The following EXOC6B variants were observed in gnomAD, a reference collection of about 807,000 sequenced individuals.
EXOC6B encodes the protein exocyst complex component 6B, also known as SEC15 homolog B.
Under a neutral mutation model 113.5 loss-of-function variants are expected in EXOC6B, and 54 were observed. The ratio of observed to expected loss-of-function variants is 0.48; its 90% CI spans 0.38 to 0.60. EXOC6B has a LOEUF of 0.60. EXOC6B is among the 20% of genes least tolerant of loss of function. The pLI, the probability that EXOC6B is intolerant of heterozygous loss-of-function variation, is 0.00. For synonymous variants in EXOC6B, 357 were observed against 339.0 expected (o/e 1.05, Z -0.58); for missense variants, 797 against 977.5 (o/e 0.82, Z 2.46).
intron 6 of EXOC6B, among the ~76,000 whole-genome samples, chr2:72,704,643 G>T (rs950374467): frequency 1.3e-5 from 2 of 152,062 alleles, no homozygotes; most frequent in African/African-American, 4.8e-5. Context: ...TGATAAAGGG[G>T]ATATCACCAA....
chr2:72,581,409 G>A (rs11686713), intron 6 of EXOC6B, among the ~76,000 whole-genome samples: 94,762 of 152,132 alleles, frequency 0.62, 35,089 homozygotes, highest in East Asian at 0.99. Flanking sequence ...GTTATTGTCC[G>A]TAGGAATGTG....
chr2:72,811,879 A>G (rs1211375864), intron 1 of EXOC6B, among the ~76,000 whole-genome samples: 1 of 152,188 alleles, frequency 6.6e-6, no homozygotes, highest in Admixed American at 6.5e-5. Flanking sequence ...AGAAAATAGG[A>G]ATAGAGGAAA....
intron 6 of EXOC6B, among the ~76,000 whole-genome samples, chr2:72,585,592 A>G (rs1027338674): frequency 3.3e-5 from 5 of 151,686 alleles, no homozygotes; most frequent in African/African-American, 1.2e-4. Context: ...GTGCAAAAAA[A>G]AAAAAAGAAA....
chr2:72,686,194 C>CT (rs1677077670), intron 6 of EXOC6B, among the ~76,000 whole-genome samples: 1 of 152,124 alleles, frequency 6.6e-6, no homozygotes, highest in African/African-American at 2.4e-5. Context: ...AGTTTTTCTT[C>CT]TTTTAAGTTC....
intron 20 of EXOC6B, among the ~76,000 whole-genome samples, chr2:72,294,402 A>G (rs537272014): frequency 1.3e-5 from 2 of 152,086 alleles, no homozygotes; most frequent in Non-Finnish European, 2.9e-5. Context: ...ATTTTGACCA[A>G]TGAAGCTCTA....
chr2:72,337,475 C>T (rs1025995543), intron 19 of EXOC6B, among the ~76,000 whole-genome samples: 2 of 152,168 alleles, frequency 1.3e-5, no homozygotes, highest in South Asian at 4.1e-4. Flanking sequence ...GAGCTGGCTA[C>T]ACATTCTTGA....
At chr2:72,412,843 C>A (rs1246548910) in intron 18 of EXOC6B, among the ~76,000 whole-genome samples, 1 of 152,128 alleles carries the variant, frequency 6.6e-6, no homozygotes, top group East Asian at 1.9e-4. Context: ...AATAATTGAT[C>A]CTGGCCTGTT....
intron 18 of EXOC6B, among the ~76,000 whole-genome samples, chr2:72,443,029 C>G (rs950699158): frequency 3.9e-5 from 6 of 151,984 alleles, no homozygotes; most frequent in African/African-American, 1.4e-4. Context: ...GATATAGATA[C>G]AAGAAAAGAC....
At chr2:72,662,658 T>C (rs977560689) in intron 6 of EXOC6B, among the ~76,000 whole-genome samples, 4 of 152,052 alleles carry the variant, frequency 2.6e-5, no homozygotes, top group Non-Finnish European at 4.4e-5. Flanking sequence ...CAATACCAAG[T>C]GCTAAGTGAG....
chr2:72,459,776 C>G (rs1397728035), intron 18 of EXOC6B, among the ~76,000 whole-genome samples: 3 of 152,130 alleles, frequency 2.0e-5, no homozygotes, highest in Non-Finnish European at 2.9e-5. Flanking sequence ...AATGGCCATA[C>G]TGCCCAAGGT....
intron 8 of EXOC6B, among the ~76,000 whole-genome samples, chr2:72,518,799 A>T (rs1307860950): frequency 6.6e-6 from 1 of 152,174 alleles, no homozygotes; most frequent in Non-Finnish European, 1.5e-5. Flanking sequence ...TAGCGACCAT[A>T]AGAGTTTTAG....
chr2:72,489,311 A>T (rs1287440524), intron 16 of EXOC6B, among the ~76,000 whole-genome samples: 2 of 152,098 alleles, frequency 1.3e-5, no homozygotes, highest in African/African-American at 4.8e-5. Context: ...TTGTTCACTG[A>T]TTTATCTTAA....
At chr2:72,459,033 A>T (rs1262618439) in intron 18 of EXOC6B, among the ~76,000 whole-genome samples, 1 of 152,144 alleles carries the variant, frequency 6.6e-6, no homozygotes, top group Non-Finnish European at 1.5e-5. Context: ...AAACACAAAC[A>T]AAAAGGAAAA....
intron 20 of EXOC6B, among the ~76,000 whole-genome samples, chr2:72,275,103 A>G (rs1684733330): frequency 6.6e-6 from 1 of 152,200 alleles, no homozygotes; most frequent in African/African-American, 2.4e-5. Context: ...TACCCACTTG[A>G]TAACTGTAGC....
intron 20 of EXOC6B, among the ~76,000 whole-genome samples, chr2:72,229,197 G>A (rs1681452612): frequency 1.3e-5 from 2 of 152,058 alleles, no homozygotes; most frequent in Admixed American, 1.3e-4. Context: ...TGCCTTTAAT[G>A]GGGAGGAGGA....
At chr2:72,283,003 A>C (rs1481004548) in intron 20 of EXOC6B, among the ~76,000 whole-genome samples, 8 of 152,142 alleles carry the variant, frequency 5.3e-5, no homozygotes, top group Admixed American at 5.2e-4. Context: ...ATTAGAACAA[A>C]ACTAAAAAAT....
At chr2:72,817,613 A>T (rs144652596) in intron 1 of EXOC6B, among the ~76,000 whole-genome samples, 1 of 30,044 alleles carries the variant, frequency 3.3e-5, no homozygotes, top group African/African-American at 1.2e-4. Context: ...AACAGGGTAG[A>T]CAATCAAAAA....
chr2:72,632,371 GA>G (rs1335018587), intron 6 of EXOC6B, among the ~76,000 whole-genome samples: 1 of 152,088 alleles, frequency 6.6e-6, no homozygotes, highest in Non-Finnish European at 1.5e-5. Flanking sequence ...TATCAATTTG[GA>G]AAACTCCTTT....
At chr2:72,231,928 T>C (rs922250450) in intron 20 of EXOC6B, among the ~76,000 whole-genome samples, 1 of 152,072 alleles carries the variant, frequency 6.6e-6, no homozygotes, top group African/African-American at 2.4e-5. Flanking sequence ...CTACTGAGTA[T>C]ATACCCAAAG....
Sources: gnomAD v4.1 joint callset for allele counts (sites outside exome capture counted in the v4.1 genomes callset) on GRCh38, gnomAD v4.1.1 for gene constraint, MANE v1.5 for transcripts, NCBI Gene and HGNC (gene_info 2026-07-23, HGNC 2026-07-21) for gene names.